The following MUC5B variants were observed in gnomAD, a reference collection of about 807,000 sequenced individuals.
MUC5B encodes mucin 5B, oligomeric mucus/gel-forming.
Under a neutral mutation model 376.9 loss-of-function variants are expected in MUC5B, and 116 were observed. That is an observed-to-expected ratio of 0.31 (90% CI 0.26 to 0.36). MUC5B has a LOEUF of 0.36. Among genes scored for constraint, MUC5B ranks in the 10% least tolerant of loss-of-function variants. The probability of loss-of-function intolerance (pLI) is 1.00; values close to 1 mark genes in which losing one functional copy is unlikely to be tolerated. For synonymous variants in MUC5B, 3,517 were observed against 3,390.9 expected (o/e 1.04, Z -1.29); for missense variants, 7,165 against 7,769.9 (o/e 0.92, Z 2.93).
rs534618022 is a variant in MUC5B, at chr11:1,240,110, A to C, written c.3772+22A>C. On this transcript the variant is annotated intron_variant, in intron 29 of 48. Transcript: ENST00000529681. ...GAGGGTAAGGAAGGGCCGGGGGGTT[A>C]GTGGGCCGGTGAAGGCTGGGGCCAG... 5.1e-6 allele frequency: 8 copies of C among 1,562,310 alleles called. No individual in the cohort carries two copies. In the African/African-American group the frequency reaches 8.1e-5, roughly 16 times the overall value.
At position 1,242,997 on chromosome 11, in the gene MUC5B, C is replaced by A; in HGVS notation, c.6117C>A (p.Pro2039=). ...GGGCCACCGGCTCTGTGGCCACCCCCTCCTCCACCCCAGGAACAGCTCACA... is the reference window on the plus strand; with the variant it reads ...GGGCCACCGGCTCTGTGGCCACCCCATCCTCCACCCCAGGAACAGCTCACA... The part of the protein sequence containing the change: ...TTGATGSVAT[P]SSTPGTAHTT... Residue 2039 remains proline (P), a synonymous_variant, in exon 31 of 49, where the codon CCC becomes CCA. Coordinates refer to ENST00000529681, the MANE Select transcript of MUC5B (RefSeq NM_002458.3). 1 of 1,613,286 alleles carries A rather than the reference C, an allele frequency of 6.2e-7. No individual in the cohort carries two copies. The highest frequency in any genetic ancestry group is 1.3e-5 in the African/African-American group (1 of 74,894).
At position 1,242,169 on chromosome 11, in the gene MUC5B, C is replaced by A. The variant is rs1302640889; in HGVS notation, c.5289C>A (p.Pro1763=). 2 of 1,613,554 alleles carry A rather than the reference C, an allele frequency of 1.2e-6. No homozygotes were observed. Among genetic ancestry groups the A allele is most frequent in the Admixed American group, 3.3e-5 (2 of 60,026 alleles). ...CCTCTCAGGCCGAGACCAGCACGCC[C>A]AGGACAGAGACGACAATGAGCCCCT... ...LSTSQAETST[P]RTETTMSPLT... The change falls in exon 31 of 49, where the codon CCC becomes CCA. Residue 1763 remains proline, a synonymous_variant. Coordinates refer to ENST00000529681, the MANE Select transcript of MUC5B (RefSeq NM_002458.3).
chr11:1,223,582 C>G lies in MUC5B; in HGVS notation c.70+389C>G, dbSNP rs56230923. On this transcript the variant is annotated intron_variant, in intron 1 of 48. Coordinates refer to ENST00000529681, the MANE Select transcript of MUC5B (RefSeq NM_002458.3). Reference sequence around the variant, plus strand: ...TCAGAGTGAGCAGGGGCAGGCTTAGCGTGGACCCCTGTCCAGGACCGGCTC... The same window carrying G: ...TCAGAGTGAGCAGGGGCAGGCTTAGGGTGGACCCCTGTCCAGGACCGGCTC... 5.7e-3 allele frequency among the ~76,000 whole-genome samples: 867 copies of G among 152,274 alleles called. 6 individuals are homozygous for G. The highest frequency in any genetic ancestry group is 0.019 in the African/African-American group (769 of 41,548).
rs555234861 is a variant in MUC5B at position 1,226,103 on chromosome 11, C to T, written c.128-102C>T. 1,462 of 1,216,448 alleles carry T rather than the reference C, an allele frequency of 1.2e-3. 6 individuals carry two copies. The highest frequency in any genetic ancestry group is 1.5e-3 in the Non-Finnish European group (1,325 of 875,844). The allele number at this position is 1,216,448 out of a possible 1,614,324, so 75.4% of individuals were successfully genotyped here. On this transcript the variant is annotated intron_variant, in intron 2 of 48. Transcript: ENST00000529681. ...GCCCCAGCCCATCAGTTTTGGGCTC[C>T]CCTTCAACTCTGGTGGCTGGCGAGG...
rs1250208172 is a variant in MUC5B, at chr11:1,236,397, G to T, written c.2892G>T (p.Leu964=). 6.2e-7 allele frequency: 1 copy of T among 1,609,516 alleles called. No individual in the cohort carries two copies. The highest frequency in any genetic ancestry group is 1.3e-5 in the African/African-American group (1 of 75,022). Reference sequence around the variant, plus strand: ...TGCCTCCCCTGCAGAGCTACGAGCTGATCCTCCAAGAGGGGACCTTTAAGG... The same window carrying T: ...TGCCTCCCCTGCAGAGCTACGAGCTTATCCTCCAAGAGGGGACCTTTAAGG... ...AIKLFVESYE[L]ILQEGTFKAV... Residue 964 remains leucine, a synonymous_variant, in exon 24 of 49, where the codon CTG becomes CTT. Coordinates refer to ENST00000529681, the MANE Select transcript of MUC5B (RefSeq NM_002458.3).
At position 1,252,389 on chromosome 11, in the gene MUC5B, C is replaced by T. The variant is rs369818141; in HGVS notation, c.14910C>T (p.Tyr4970=). Residue 4970 remains tyrosine, a synonymous_variant, in exon 32 of 49, where the codon TAC becomes TAT. Transcript: ENST00000529681. ...NKTDRAGCHF[Y]AVCNQHCDID... ...CCGACCGAGCCGGCTGCCATTTCTA[C>T]GCAGTGTGCAATCAGCACTGTGACA... 2.6e-5 allele frequency: 41 copies of T among 1,601,128 alleles called. No homozygotes were observed. The highest frequency in any genetic ancestry group is 3.3e-4 in the Middle Eastern group (2 of 6,022).
chr11:1,256,588 C>T (rs1862843121), intron 38 of MUC5B, 83 bp from the exon 39 acceptor site: 1 of 915,342 alleles, frequency 1.1e-6, no homozygotes, highest in Non-Finnish European at 1.6e-6. Flanking sequence ...CTGCTCCCCA[C>T]TGCCCATCCT....
chr11:1,253,011 CG>C lies in MUC5B; in HGVS notation c.15217+36del. The stretch of plus-strand genomic sequence containing the variant: ...TGCGTCGGTGGCCGCGGGATTACCC[CG>C]GGGGCAGGTGGAGCAGAGTGCACCG... On this transcript the variant is annotated intron_variant, in intron 33 of 48. Transcript: ENST00000529681. This position sits in a 1 kb window ranked among gnomAD's most constrained non-coding sequence, Gnocchi z 4.3. 2 of 1,530,068 alleles carry C rather than the reference CG, an allele frequency of 1.3e-6. No individual in the cohort carries two copies. The highest frequency in any genetic ancestry group is 1.1e-5 in the South Asian group (1 of 90,094). 94.8% of individuals were successfully genotyped at this position (1,530,068 alleles called of 1,614,324 possible).
Position 1,250,921 on chromosome 11 carries a change from A to C in MUC5B, c.14041A>C (p.Thr4681Pro). ...GACCAGTGGTACTCCCCCATCACTG[A>C]CCACCACGGCCACTACGATCACGGC... The part of the protein sequence containing the change: ...TQTSGTPPSL[T>P]TTATTITATG... Residue 4681 changes from threonine (T) to proline (P), a missense_variant, in exon 31 of 49, where the codon ACC (threonine) becomes CCC (proline). By Grantham distance (38) the Thr-to-Pro change is conservative. Transcript: ENST00000529681. 6.3e-7 allele frequency: 1 copy of C among 1,596,492 alleles called. No homozygotes were observed. The highest frequency in any genetic ancestry group is 8.5e-7 in the Non-Finnish European group (1 of 1,171,412).
rs1334169486 is a variant in MUC5B, at chr11:1,257,943, C to T, written c.16451-156C>T. ...AGTGGCCCAGGGACGTGGGAAGCAG[C>T]GGGGAGGTGGCCAAGCAAGGGGCCT... On this transcript the variant is annotated intron_variant, in intron 41 of 48. Coordinates refer to ENST00000529681, the MANE Select transcript of MUC5B (RefSeq NM_002458.3). This position sits in a 1 kb window ranked among gnomAD's most constrained non-coding sequence, Gnocchi z 8.9. 3.9e-5 allele frequency among the ~76,000 whole-genome samples: 6 copies of T among 152,158 alleles called. No individual in the cohort carries two copies. The highest frequency in any genetic ancestry group is 1.9e-4 in the East Asian group (1 of 5,188).
rs113075314 is a variant in MUC5B at position 1,224,743 on chromosome 11, G to T, written c.71-938G>T. On this transcript the variant is annotated intron_variant, in intron 1 of 48. Transcript: ENST00000529681. ...GCAGTCAACCTGGATCTCTGGAGGC[G>T]GCCCCTGTGGTGGTTCCCAGATGTC... Among the ~76,000 whole-genome samples the T allele has an allele frequency of 9.5e-3, 1,441 of 152,230 alleles. 28 individuals are homozygous for T. Among genetic ancestry groups the T allele is most frequent in the African/African-American group, 0.033 (1,373 of 41,508 alleles).
In MUC5B at chr11:1,259,851, A is replaced by T. The variant is rs1862951464; in HGVS notation, c.16800+9A>T. The T allele has an allele frequency of 8.1e-6, 13 of 1,612,358 alleles. No individual in the cohort carries two copies. The highest frequency in any genetic ancestry group is 1.1e-5 in the Non-Finnish European group (13 of 1,179,668). Reference sequence around the variant, plus strand: ...ATGGCCAGCCAGTCCAGGTAACAGCAGAGGCATGTGGGGGCAGGTCTCAGC... The same window carrying T: ...ATGGCCAGCCAGTCCAGGTAACAGCTGAGGCATGTGGGGGCAGGTCTCAGC... On this transcript the variant is annotated intron_variant, in intron 45 of 48. Coordinates refer to ENST00000529681, the MANE Select transcript of MUC5B (RefSeq NM_002458.3).
At position 1,254,265 on chromosome 11, in the gene MUC5B, C is replaced by T. The variant is rs201625337; in HGVS notation, c.15391C>T (p.Arg5131Cys). 1.2e-5 allele frequency: 20 copies of T among 1,611,920 alleles called. No individual in the cohort carries two copies. The highest frequency in any genetic ancestry group is 6.7e-5 in the East Asian group (3 of 44,894). ...GGCCTCTGCCACTGCCGCTGCCGCCCGCTGCCCCCGCGCCCTCAGCATCCA... is the reference window on the plus strand; with the variant it reads ...GGCCTCTGCCACTGCCGCTGCCGCCTGCTGCCCCCGCGCCCTCAGCATCCA... ...CTASATAAAA[R>C]CPRALSIHYK... Residue 5131 changes from arginine (R) to cysteine (C), a missense_variant, in exon 34 of 49, where the codon CGC becomes TGC. Arg to Cys is a radical substitution (Grantham distance 180). Coordinates refer to ENST00000529681, the MANE Select transcript of MUC5B (RefSeq NM_002458.3).
chr11:1,240,524 C>T (rs1238610833), intron 30 of MUC5B, 149 bp downstream of exon 30: 2 of 743,108 alleles, frequency 2.7e-6, no homozygotes, highest in South Asian at 1.9e-5. Flanking sequence ...GGCCCCTCAA[C>T]ACCCTGCGTG....
intron 3 of MUC5B, 151 bp downstream of exon 3, chr11:1,226,427 C>T: frequency 7.7e-7 from 1 of 1,290,574 alleles, no homozygotes; most frequent in African/African-American, 1.5e-5. Flanking sequence ...TCACTGGCCA[C>T]CCTGGGGGAT....
chr11:1,238,557 C>A (rs1332148433), intron 25 of MUC5B, among the ~76,000 whole-genome samples: 1 of 152,130 alleles, frequency 6.6e-6, no homozygotes, highest in Non-Finnish European at 1.5e-5. Flanking sequence ...ATAGAAAGAT[C>A]CAAAGAGCAC....
Position 1,245,332 on chromosome 11 carries a change from A to G in MUC5B, c.8452A>G (p.Thr2818Ala), listed in dbSNP as rs375381781. ...ALSSPHPSSR[T>A]TESPPSPGTT... ...GTCCAGCCCTCACCCTAGCAGCAGG[A>G]CCACCGAGTCACCCCCTTCTCCAGG... The change falls in exon 31 of 49, where the codon ACC (threonine) becomes GCC (alanine). Residue 2818 changes from threonine to alanine, a missense_variant. This residue lies in a region of MUC5B where 50 missense variants were observed against 66.4 expected (regional missense o/e 0.75). Transcript: ENST00000529681. 6.3e-7 allele frequency: 1 copy of G among 1,593,338 alleles called. No homozygotes were observed. The highest frequency in any genetic ancestry group is 1.4e-5 in the African/African-American group (1 of 71,444).
rs902747103 is a variant in MUC5B, at chr11:1,242,651, C to T, written c.5771C>T (p.Ala1924Val). The change falls in exon 31 of 49, where the codon GCC (alanine) becomes GTC (valine). Residue 1924 changes from alanine to valine, a missense_variant. By Grantham distance (64) the Ala-to-Val change is moderately conservative (BLOSUM62 0). Transcript: ENST00000529681. ...ATTTASTGST[A>V]TPTSTLRTAP... ...ACGACTGCGTCCACTGGATCCACGG[C>T]CACCCCGACCTCCACCCTGAGAACA... 11 of 1,613,636 alleles carry T rather than the reference C, an allele frequency of 6.8e-6. 1 individual carries two copies. In the Admixed American group the frequency reaches 1.7e-4, roughly 24 times the overall value.
Position 1,223,216 on chromosome 11 carries a change from C to T in MUC5B, c.70+23C>T, listed in dbSNP as rs560268143. 61 of 709,364 alleles carry T rather than the reference C, an allele frequency of 8.6e-5. No homozygotes were observed. In the African/African-American group the frequency reaches 9.6e-4, roughly 11 times the overall value. 43.9% of individuals were successfully genotyped at this position (709,364 alleles called of 1,614,324 possible). On this transcript the variant is annotated intron_variant, in intron 1 of 48. Transcript: ENST00000529681. ...CAGGTAAGAGCCCCCCACTCCGCCC[C>T]CTCTCGATGCTGTCTTCACGGCGGG...
Sources: allele counts gnomAD v4.1 joint callset (sites outside exome capture counted in the v4.1 genomes callset), GRCh38; gene constraint gnomAD v4.1.1; regional missense constraint gnomAD v4.1.1; non-coding constraint Gnocchi (gnomAD v3.1); transcripts MANE v1.5; gene names NCBI Gene and HGNC (gene_info 2026-07-23, HGNC 2026-07-21).